Variants in KLHL6 observed in about 807,000 individuals in gnomAD.
KLHL6 encodes the protein kelch-like protein 6.
In KLHL6, 41 loss-of-function variants were observed where a neutral mutation model predicts 58.6. That is an observed-to-expected ratio of 0.70 (90% CI 0.55 to 0.91). The LOEUF is 0.91. Among genes scored for constraint, KLHL6 ranks in the 40% least tolerant of loss-of-function variants. KLHL6 has a pLI of 0.00. For missense variants in KLHL6, 714 were observed against 805.6 expected (o/e 0.89, Z 1.38); for synonymous variants, 338 against 322.7 (o/e 1.05, Z -0.51).
At chr3:183,549,533 G>A (rs1166667311) in intron 1 of KLHL6, among the ~76,000 whole-genome samples, 1 of 152,192 alleles carries the variant, frequency 6.6e-6, no homozygotes, top group Non-Finnish European at 1.5e-5. Context: ...CGGGACACCT[G>A]AGTCTTGCTC....
At chr3:183,539,664 G>A (rs1712486306) in intron 1 of KLHL6, among the ~76,000 whole-genome samples, 2 of 149,580 alleles carry the variant, frequency 1.3e-5, no homozygotes, top group African/African-American at 2.5e-5. Context: ...AGACAAGGTC[G>A]CACTACTGCA....
At chr3:183,503,277 T>C (rs1282670711) in intron 3 of KLHL6, among the ~76,000 whole-genome samples, 1 of 152,230 alleles carries the variant, frequency 6.6e-6, no homozygotes, top group Non-Finnish European at 1.5e-5. Context: ...ACATCACACA[T>C]GTCAGAGTAA....
chr3:183,543,950 G>T (rs1332190009), intron 1 of KLHL6, among the ~76,000 whole-genome samples: 1 of 152,122 alleles, frequency 6.6e-6, no homozygotes, highest in East Asian at 1.9e-4. Context: ...GATCACCTGA[G>T]ATCAGGAGTT....
At chr3:183,515,208 A>C (rs1287847826) in intron 2 of KLHL6, among the ~76,000 whole-genome samples, 1 of 152,168 alleles carries the variant, frequency 6.6e-6, no homozygotes, top group African/African-American at 2.4e-5. Context: ...TCTTGACTAG[A>C]CGGTGCTTGG....
At chr3:183,498,845 T>C (rs1248782184) in intron 4 of KLHL6, among the ~76,000 whole-genome samples, 2 of 152,208 alleles carry the variant, frequency 1.3e-5, no homozygotes, top group African/African-American at 2.4e-5. Context: ...TGAAAAAGTA[T>C]TGGGCCCTAC....
intron 2 of KLHL6, among the ~76,000 whole-genome samples, chr3:183,523,691 AGTT>A (rs1711847860): frequency 2.2e-5 from 2 of 92,350 alleles, no homozygotes; most frequent in Admixed American, 2.7e-4. Flanking sequence ...TTTTCCCATG[AGTT>A]GTTGTTTGTT....
intron 1 of KLHL6, among the ~76,000 whole-genome samples, chr3:183,535,903 G>A (rs757241503): frequency 3.9e-5 from 6 of 152,212 alleles, no homozygotes; most frequent in African/African-American, 7.2e-5. Context: ...AGCCTCCTGA[G>A]TAGCTAGGGC....
rs1227065029 is a variant in KLHL6, at chr3:183,494,089, C to T, written c.1340G>A (p.Cys447Tyr). ...NVETYDPFHNCWSEAAPLLVH... is the reference protein window; with the variant it reads ...NVETYDPFHNYWSEAAPLLVH... The stretch of plus-strand genomic sequence containing the variant: ...AATCGTGTCCTATACCTCTGACCAG[C>T]AGTTGTGAAAGGGGTCGTAGGTCTC... Residue 447 changes from cysteine (C) to tyrosine (Y), a missense_variant, in exon 5 of 7, where the codon TGC (cysteine) becomes TAC (tyrosine). This residue lies in a region of KLHL6 where 510 missense variants were observed against 629.7 expected (regional missense o/e 0.81). Coordinates refer to ENST00000341319, the MANE Select transcript of KLHL6 (RefSeq NM_130446.4). 2 of 1,613,854 alleles carry T rather than the reference C, an allele frequency of 1.2e-6. No homozygotes were observed. Among genetic ancestry groups the T allele is most frequent in the African/African-American group, 1.3e-5 (1 of 74,924 alleles).
At chr3:183,554,371 C>T (rs896110676) in intron 1 of KLHL6, among the ~76,000 whole-genome samples, 1 of 152,200 alleles carries the variant, frequency 6.6e-6, no homozygotes, top group Non-Finnish European at 1.5e-5. Context: ...ACCCTTTTCA[C>T]GCTCTTGTTT....
intron 1 of KLHL6, among the ~76,000 whole-genome samples, chr3:183,529,423 G>T (rs1450283585): frequency 6.6e-6 from 1 of 152,104 alleles, no homozygotes; most frequent in Non-Finnish European, 1.5e-5. Flanking sequence ...CCTTCCCAGG[G>T]AATGTGTGAG....
At chr3:183,519,588 T>C (rs113259430) in intron 2 of KLHL6, among the ~76,000 whole-genome samples, 3 of 152,100 alleles carry the variant, frequency 2.0e-5, no homozygotes, top group African/African-American at 7.2e-5. Flanking sequence ...AGTTCAATGA[T>C]AGAAAAATAA....
Position 183,492,072 on chromosome 3 carries a change from G to GC in KLHL6, c.1720dup (p.Ala574GlyfsTer125). The GC allele has an allele frequency of 6.2e-7, 1 of 1,613,996 alleles. No individual in the cohort carries two copies. The highest frequency in any genetic ancestry group is 8.5e-7 in the Non-Finnish European group (1 of 1,180,012). Reference sequence around the variant, plus strand: ...CTCGGGGTCCCAGCACAGCACCGTGGCGATAACCTCGTTCTTCTCGTCCCG... The same window carrying GC: ...CTCGGGGTCCCAGCACAGCACCGTGGCCGATAACCTCGTTCTTCTCGTCCCG... On this transcript the variant is annotated frameshift_variant, in exon 7 of 7. Transcript: ENST00000341319. LOFTEE classifies it high-confidence loss of function. The surrounding 1 kb of genome is among the most constrained non-coding windows in gnomAD (Gnocchi z 5.9).
Position 183,488,327 on chromosome 3 carries a change from C to G in KLHL6, c.*3600G>C, listed in dbSNP as rs549396614. 6.6e-6 allele frequency: 1 copy of G among 152,302 alleles called. No homozygotes were observed. The highest frequency in any genetic ancestry group is 2.1e-4 in the South Asian group (1 of 4,836). 9.4% of individuals were successfully genotyped at this position (152,302 alleles called of 1,614,324 possible). On this transcript the variant is annotated 3_prime_UTR_variant, in exon 7 of 7. Transcript: ENST00000341319. ...AGTTGGCCCAAATGCTGGGCCTGCTCTAACTTGTGCCTCTGCTCTAAGAAG... is the reference window on the plus strand; with the variant it reads ...AGTTGGCCCAAATGCTGGGCCTGCTGTAACTTGTGCCTCTGCTCTAAGAAG...
At chr3:183,529,811 ACTCTAACCC>A (rs1160597143) in intron 1 of KLHL6, among the ~76,000 whole-genome samples, 1 of 151,704 alleles carries the variant, frequency 6.6e-6, no homozygotes, top group Non-Finnish European at 1.5e-5. Context: ...AAGAAAGGAA[ACTCTAACCC>A]CGCAGTGTGA....
chr3:183,532,093 C>T lies in KLHL6; in HGVS notation c.294-4083G>A, dbSNP rs565581674. 4.6e-5 allele frequency among the ~76,000 whole-genome samples: 7 copies of T among 152,262 alleles called. No homozygotes were observed. The East Asian group carries it at 1.4e-3, about 29-fold the overall frequency. On this transcript the variant is annotated intron_variant, in intron 1 of 6. Coordinates refer to ENST00000341319, the MANE Select transcript of KLHL6 (RefSeq NM_130446.4). ...AAAATTCATATGTTGAAACCCTAACCCCTAATGTGAATGTATTAGGAGATA... is the reference window on the plus strand; with the variant it reads ...AAAATTCATATGTTGAAACCCTAACTCCTAATGTGAATGTATTAGGAGATA...
chr3:183,535,390 A>G (rs1343956360), intron 1 of KLHL6, among the ~76,000 whole-genome samples: 1 of 152,194 alleles, frequency 6.6e-6, no homozygotes, highest in East Asian at 1.9e-4. Flanking sequence ...ACCCAGACCT[A>G]CAGTCATCTC....
chr3:183,499,513 A>G lies in KLHL6; in HGVS notation c.1147+77T>C, dbSNP rs1717808965. The G allele has an allele frequency of 1.1e-6, 1 of 932,058 alleles. No homozygotes were observed. Among genetic ancestry groups the G allele is most frequent in the South Asian group, 1.7e-5 (1 of 59,784 alleles). The allele number at this position is 932,058 out of a possible 1,614,324, so 57.7% of individuals were successfully genotyped here. On this transcript the variant is annotated intron_variant, in intron 4 of 6. Coordinates refer to ENST00000341319, the MANE Select transcript of KLHL6 (RefSeq NM_130446.4). This position sits in a 1 kb window ranked among gnomAD's most constrained non-coding sequence, Gnocchi z 4.6. The stretch of plus-strand genomic sequence containing the variant: ...GCCAATTCACAGTAATTCTTCTAGG[A>G]TGGTTGCCTGGCTGCCACTCAGGAA...
At chr3:183,526,603 G>A (rs1711980267) in intron 2 of KLHL6, among the ~76,000 whole-genome samples, 1 of 152,154 alleles carries the variant, frequency 6.6e-6, no homozygotes, top group Non-Finnish European at 1.5e-5. Context: ...AGATATTTAG[G>A]ATTTTTTGAG....
intron 1 of KLHL6, chr3:183,544,726 T>A (rs1159619830): frequency 1.3e-5 from 2 of 150,600 alleles, no homozygotes; most frequent in Non-Finnish European, 2.9e-5. Flanking sequence ...CTTTCTATCT[T>A]CTGTCTCTCT....
Sources: allele counts gnomAD v4.1 joint callset (sites outside exome capture counted in the v4.1 genomes callset), GRCh38; gene constraint gnomAD v4.1.1; regional missense constraint gnomAD v4.1.1; non-coding constraint Gnocchi (gnomAD v3.1); transcripts MANE v1.5; gene names NCBI Gene and HGNC (gene_info 2026-07-23, HGNC 2026-07-21).